The following ITGA9 variants were observed in gnomAD, a reference collection of about 807,000 sequenced individuals.
The protein encoded by ITGA9 is integrin subunit alpha 9, also known as integrin alpha-9.
A neutral mutation model predicts 127.8 loss-of-function variants in ITGA9; 56 were observed. The observed-to-expected ratio is 0.44, with a 90% CI of 0.35 to 0.55. ITGA9 has a LOEUF of 0.55. Ranked by LOEUF, ITGA9 falls within the 20% of genes least tolerant of loss-of-function variation. ITGA9 has a pLI of 0.00. For synonymous variants in ITGA9, 508 were observed against 514.5 expected (o/e 0.99, Z 0.17); for missense variants, 1,196 against 1,347.1 (o/e 0.89, Z 1.76).
At chr3:37,613,070 G>A (rs946442869) in intron 15 of ITGA9, among the ~76,000 whole-genome samples, 8 of 151,456 alleles carry the variant, frequency 5.3e-5, no homozygotes, top group East Asian at 1.9e-4. Flanking sequence ...CCATTAACTC[G>A]TCATTTATCA....
chr3:37,636,203 C>T (rs1309080006), intron 16 of ITGA9, among the ~76,000 whole-genome samples: 1 of 152,192 alleles, frequency 6.6e-6, no homozygotes, highest in African/African-American at 2.4e-5. Flanking sequence ...TGAGGAATCG[C>T]CATATTGACT....
chr3:37,453,056 C>T (rs1232606267), intron 1 of ITGA9, among the ~76,000 whole-genome samples: 3 of 151,876 alleles, frequency 2.0e-5, no homozygotes, highest in Admixed American at 2.0e-4. Context: ...CGGGGTGGGG[C>T]TCCCCAGGGG....
rs542407851 is a variant in ITGA9, at chr3:37,814,863, G to T, written c.3010-4028G>T. Among the ~76,000 whole-genome samples the T allele has an allele frequency of 3.7e-4, 56 of 152,316 alleles. No individual in the cohort carries two copies. The highest frequency in any genetic ancestry group is 6.9e-4 in the Non-Finnish European group (47 of 68,036). On this transcript the variant is annotated intron_variant, in intron 27 of 27. Transcript: ENST00000264741. The surrounding 1 kb of genome is among the most constrained non-coding windows in gnomAD (Gnocchi z 4.3). ...ACTGTACCTACAACTCCCTAGCCAT[G>T]AGAGTGCATTATGTTTTAAGAAATG... is the stretch of plus-strand genomic sequence containing the variant.
rs141087988 is a variant in ITGA9, at chr3:37,586,878, C to G, written c.1690-42309C>G. On this transcript the variant is annotated intron_variant, in intron 15 of 27. Coordinates refer to ENST00000264741, the MANE Select transcript of ITGA9 (RefSeq NM_002207.3). ...CTTGCTTTGTTTGTGACATTTAGCT[C>G]CTTTTCTTCCTTTCCATCCCAAATC... Among the ~76,000 whole-genome samples the G allele has an allele frequency of 8.5e-5, 13 of 152,264 alleles. No individual in the cohort carries two copies. The East Asian group carries it at 2.3e-3, about 27-fold the overall frequency.
At chr3:37,683,391 GT>G (rs1311145856) in intron 17 of ITGA9, among the ~76,000 whole-genome samples, 1 of 152,148 alleles carries the variant, frequency 6.6e-6, no homozygotes, top group Non-Finnish European at 1.5e-5. Flanking sequence ...CCCTTTGTAA[GT>G]TTTCTCCACA....
At chr3:37,624,975 G>C (rs867279578) in intron 15 of ITGA9, among the ~76,000 whole-genome samples, 24 of 152,292 alleles carry the variant, frequency 1.6e-4, no homozygotes, top group Middle Eastern at 3.4e-3. Flanking sequence ...TAGCTTTTAA[G>C]ATCACATAAC....
intron 8 of ITGA9, among the ~76,000 whole-genome samples, chr3:37,512,171 TTTC>T (rs1208814241): frequency 3.4e-5 from 1 of 29,104 alleles, no homozygotes. Flanking sequence ...TTTCTTTTCT[TTTC>T]TTTTCTTTTC....
chr3:37,470,964 C>G (rs115589417), intron 1 of ITGA9, 43 bp from the exon 2 acceptor site: 1 of 1,612,524 alleles, frequency 6.2e-7, no homozygotes, highest in South Asian at 1.1e-5. Context: ...CTCCTATTTT[C>G]TTATCGTAGG....
intron 3 of ITGA9, 141 bp downstream of exon 3, chr3:37,473,601 T>C (rs890715130): frequency 3.4e-6 from 2 of 589,780 alleles, no homozygotes; most frequent in Admixed American, 6.1e-5. Flanking sequence ...AAATGACTTA[T>C]CTTCTTATTT....
rs1329639339 is a variant in ITGA9 at position 37,750,462 on chromosome 3, G to C, written c.2434G>C (p.Val812Leu). 1 of 1,592,300 alleles carries C rather than the reference G, an allele frequency of 6.3e-7. No homozygotes were observed. The highest frequency in any genetic ancestry group is 1.3e-5 in the African/African-American group (1 of 74,458). Residue 812 changes from valine (V) to leucine (L), a missense_variant and splice_region_variant, in exon 23 of 28, where the codon GTC becomes CTC. Val to Leu is a conservative substitution (Grantham distance 32). Coordinates refer to ENST00000264741, the MANE Select transcript of ITGA9 (RefSeq NM_002207.3). ...TGCTGTGTGTGTTCCACACCCACAG[G>C]TCTACAACACTGGCCCAAGCACCCT... is the stretch of plus-strand genomic sequence containing the variant. ...HFQPINITLQ[V>L]YNTGPSTLPG...
chr3:37,741,634 G>GA (rs1197151655), intron 20 of ITGA9, 96 bp from the exon 21 acceptor site: 3 of 944,342 alleles, frequency 3.2e-6, no homozygotes, highest in Non-Finnish European at 5.1e-6. Context: ...TGCCCTTGGA[G>GA]AATGTAGAGA....
intron 3 of ITGA9, among the ~76,000 whole-genome samples, chr3:37,478,387 T>C (rs527396620): frequency 6.6e-6 from 1 of 151,486 alleles, no homozygotes; most frequent in South Asian, 2.1e-4. Context: ...GATGTGTTGT[T>C]TCCATACAAC....
intron 26 of ITGA9, among the ~76,000 whole-genome samples, chr3:37,793,239 G>A (rs1233364378): frequency 6.6e-6 from 1 of 151,790 alleles, no homozygotes; most frequent in East Asian, 1.9e-4. Context: ...TGGACCCGTG[G>A]GCTCTAAAGA....
intron 1 of ITGA9, among the ~76,000 whole-genome samples, chr3:37,461,133 A>T (rs1698311941): frequency 1.3e-5 from 2 of 152,102 alleles, no homozygotes; most frequent in South Asian, 4.1e-4. Flanking sequence ...TAGAGGGTGG[A>T]TGTTCCAGAT....
At chr3:37,736,313 A>T (rs558882932) in intron 19 of ITGA9, among the ~76,000 whole-genome samples, 19 of 152,202 alleles carry the variant, frequency 1.2e-4, no homozygotes, top group Non-Finnish European at 1.9e-4. Context: ...AACGTCTCCA[A>T]TCCTGCTAGC....
At chr3:37,501,451 T>C (rs997713010) in intron 5 of ITGA9, among the ~76,000 whole-genome samples, 1 of 152,226 alleles carries the variant, frequency 6.6e-6, no homozygotes, top group African/African-American at 2.4e-5. Context: ...TTAATACATA[T>C]AATAAAATAC....
At chr3:37,741,861 C>A (rs1490356534) in intron 21 of ITGA9, 42 bp downstream of exon 21, 4 of 1,473,196 alleles carry the variant, frequency 2.7e-6, no homozygotes, top group Admixed American at 3.5e-5. Context: ...CAGGAGTGCC[C>A]TCCAGTGGAA....
At chr3:37,708,166 T>C (rs1325545317) in intron 18 of ITGA9, among the ~76,000 whole-genome samples, 1 of 152,226 alleles carries the variant, frequency 6.6e-6, no homozygotes, top group Non-Finnish European at 1.5e-5. Flanking sequence ...TGTGGTTAGC[T>C]GCAGGTCAGC....
chr3:37,755,880 T>G (rs1696646984), intron 23 of ITGA9, among the ~76,000 whole-genome samples: 1 of 151,760 alleles, frequency 6.6e-6, no homozygotes, highest in Non-Finnish European at 1.5e-5. Context: ...TATGTAAAAT[T>G]TTAAGGGCAA....
Sources: allele counts gnomAD v4.1 joint callset (sites outside exome capture counted in the v4.1 genomes callset), GRCh38; gene constraint gnomAD v4.1.1; non-coding constraint Gnocchi (gnomAD v3.1); transcripts MANE v1.5; gene names NCBI Gene and HGNC (gene_info 2026-07-23, HGNC 2026-07-21).